Variants in COG6 observed in about 807,000 individuals in gnomAD.
COG6 encodes the protein conserved oligomeric Golgi complex subunit 6.
A neutral mutation model predicts 88.8 loss-of-function variants in COG6; 74 were observed. The ratio of observed to expected loss-of-function variants is 0.83; its 90% CI spans 0.69 to 1.01. The LOEUF (loss-of-function observed/expected upper bound fraction) is 1.01. COG6 is among the 50% of genes least tolerant of loss of function. The pLI is 0.00. For synonymous variants in COG6, 286 were observed against 278.7 expected, an observed-to-expected ratio of 1.03 and a Z score of -0.26; for missense variants, 800 against 797.9, an observed-to-expected ratio of 1.00 and a Z score of -0.03.
chr13:39,701,010 A>G (rs1020204504), intron 13 of COG6, among the ~76,000 whole-genome samples: 2 of 152,098 alleles, frequency 1.3e-5, no homozygotes. Flanking sequence ...ATTAAAAAAT[A>G]TCACTTGTAA....
intron 13 of COG6, among the ~76,000 whole-genome samples, chr13:39,703,686 G>C (rs571127495): frequency 1.1e-3 from 168 of 152,060 alleles, no homozygotes; most frequent in South Asian, 2.9e-3. Context: ...TCTATTAGTG[G>C]GGAAATGATA....
At chr13:39,660,536 T>C (rs1038770742) in intron 2 of COG6, among the ~76,000 whole-genome samples, 3 of 152,200 alleles carry the variant, frequency 2.0e-5, no homozygotes, top group African/African-American at 7.2e-5. Context: ...TGCAATTGAA[T>C]AACACTAGCA....
chr13:39,705,784 A>C (rs1877858863), intron 13 of COG6, among the ~76,000 whole-genome samples: 1 of 152,122 alleles, frequency 6.6e-6, no homozygotes, highest in Admixed American at 6.5e-5. Context: ...TCATATGGGA[A>C]CTTACTAGAC....
At chr13:39,756,880 C>T (rs111801745), downstream of COG6, among the ~76,000 whole-genome samples, 80 of 152,036 alleles carry the variant, frequency 5.3e-4, 1 homozygote, top group African/African-American at 1.4e-4. Context: ...GATTGCTCAA[C>T]GGAGTACTTG....
chr13:39,751,569 C>T lies in COG6; in HGVS notation c.*476C>T, dbSNP rs1435807953. The T allele has an allele frequency of 7.8e-7, 1 of 1,287,142 alleles. No individual in the cohort carries two copies. Among genetic ancestry groups the T allele is most frequent in the Non-Finnish European group, 1.0e-6 (1 of 988,718 alleles). The allele number at this position is 1,287,142 out of a possible 1,614,324, so 79.7% of individuals were successfully genotyped here. ...TAGCTTTTCTGAACCTAGCCTATGT[C>T]TCTGTCCCCAAAATAGCTGCCCTTA... is the stretch of plus-strand genomic sequence containing the variant. On this transcript the variant is annotated 3_prime_UTR_variant, in exon 19 of 19. Transcript: ENST00000455146.
At chr13:39,712,536 A>G (rs981595073) in intron 13 of COG6, among the ~76,000 whole-genome samples, 1 of 152,238 alleles carries the variant, frequency 6.6e-6, no homozygotes, top group African/African-American at 2.4e-5. Flanking sequence ...ATTGATATCC[A>G]TTATGCTTAA....
chr13:39,779,912 TA>T (rs1881577913), intron 18 of COG6, among the ~76,000 whole-genome samples: 1 of 152,206 alleles, frequency 6.6e-6, no homozygotes, highest in Non-Finnish European at 1.5e-5. Flanking sequence ...CTAGATTAAA[TA>T]AAATTAAGAA....
intron 13 of COG6, among the ~76,000 whole-genome samples, chr13:39,706,282 A>ATAT (rs1877919515): frequency 1.7e-5 from 1 of 59,726 alleles, no homozygotes; most frequent in Non-Finnish European, 3.8e-5. Flanking sequence ...TATATATTTA[A>ATAT]ATATATATAG....
At chr13:39,773,561 T>C (rs1490977313) in intron 18 of COG6, among the ~76,000 whole-genome samples, 1 of 152,210 alleles carries the variant, frequency 6.6e-6, no homozygotes, top group Non-Finnish European at 1.5e-5. Context: ...GCGGCACCCA[T>C]TTAATAAAAG....
chr13:39,659,316 C>G lies in COG6; in HGVS notation c.154-48C>G, dbSNP rs747454714. On this transcript the variant is annotated intron_variant, in intron 1 of 18. Transcript: ENST00000455146. ...TACATTTTGTCTTGAGATTTGAAAC[C>G]ATTTAAAAATTAGTTCCAGTAACTG... The G allele has an allele frequency of 5.6e-5, 87 of 1,560,134 alleles. No homozygotes were observed. The South Asian group carries it at 9.7e-4, about 17-fold the overall frequency.
At chr13:39,685,415 A>G (rs1410431368) in intron 8 of COG6, among the ~76,000 whole-genome samples, 1 of 152,160 alleles carries the variant, frequency 6.6e-6, no homozygotes, top group Non-Finnish European at 1.5e-5. Context: ...TGACATTAAT[A>G]TTAATGTTTA....
At chr13:39,688,195 T>C (rs1386140091) in intron 10 of COG6, among the ~76,000 whole-genome samples, 2 of 152,254 alleles carry the variant, frequency 1.3e-5, no homozygotes, top group African/African-American at 4.8e-5. Context: ...TTTAGGTCTT[T>C]AAGCTACTAA....
chr13:39,737,599 A>G (rs1164176517), intron 18 of COG6, among the ~76,000 whole-genome samples: 1 of 150,964 alleles, frequency 6.6e-6, no homozygotes, highest in Non-Finnish European at 1.5e-5. Context: ...CGGAGCTACA[A>G]GCTGCATCAC....
chr13:39,711,284 A>G (rs1037751918), intron 13 of COG6, among the ~76,000 whole-genome samples: 2 of 152,214 alleles, frequency 1.3e-5, no homozygotes, highest in Non-Finnish European at 2.9e-5. Context: ...TAGTGCTCAT[A>G]GACTTCAATG....
At chr13:39,780,906 C>T (rs1204829239) in intron 18 of COG6, among the ~76,000 whole-genome samples, 1 of 152,170 alleles carries the variant, frequency 6.6e-6, no homozygotes, top group Non-Finnish European at 1.5e-5. Flanking sequence ...GCATAGCTTT[C>T]TTTTCTTCTT....
At position 39,663,095 on chromosome 13, in the gene COG6, C is replaced by CGT. The variant is rs141978569; in HGVS notation, c.370-2001_370-2000insGT. Among the ~76,000 whole-genome samples the CGT allele has an allele frequency of 4.6e-5, 7 of 151,204 alleles. No homozygotes were observed. The South Asian group carries it at 1.5e-3, about 32-fold the overall frequency. ...TCCTTGCATATGTTTAAATAATAAA[C>CGT]ATGCATTTAGATGCATATGTTTATT... On this transcript the variant is annotated intron_variant, in intron 3 of 18. Coordinates refer to ENST00000455146, the MANE Select transcript of COG6 (RefSeq NM_020751.3).
At chr13:39,682,442 T>C (rs1438476756) in intron 8 of COG6, 178 bp downstream of exon 8, 4 of 571,962 alleles carry the variant, frequency 7.0e-6, no homozygotes, top group Admixed American at 3.1e-5. Flanking sequence ...ATTTGAATTT[T>C]ACATACTATA....
At chr13:39,788,291 C>T in intron 18 of COG6, 1 of 1,549,090 alleles carries the variant, frequency 6.5e-7, no homozygotes, top group African/African-American at 1.4e-5. Context: ...CAGGAAACTG[C>T]ACCATCAGCA....
intron 18 of COG6, among the ~76,000 whole-genome samples, chr13:39,749,767 G>T (rs996315180): frequency 1.2e-4 from 18 of 152,194 alleles, no homozygotes; most frequent in Non-Finnish European, 4.4e-5. Flanking sequence ...GTCAAGGGTT[G>T]CACTGGAATT....
Sources: gnomAD v4.1 joint callset for allele counts (sites outside exome capture counted in the v4.1 genomes callset) on GRCh38, gnomAD v4.1.1 for gene constraint, MANE v1.5 for transcripts, NCBI Gene and HGNC (gene_info 2026-07-23, HGNC 2026-07-21) for gene names.